Variants in DPEP1 observed in about 807,000 individuals in gnomAD.
The protein encoded by DPEP1 is beta-lactamase.
A neutral mutation model predicts 42.3 loss-of-function variants in DPEP1; 50 were observed. The ratio of observed to expected loss-of-function variants is 1.18; its 90% CI spans 0.94 to 1.50. The LOEUF is 1.50. Ranked by LOEUF, DPEP1 falls within the 40% of genes most tolerant of loss-of-function variation. The pLI, the probability that DPEP1 is intolerant of heterozygous loss-of-function variation, is 0.00. For missense variants in DPEP1, 663 were observed against 553.0 expected, an observed-to-expected ratio of 1.20 and a Z score of -1.99; for synonymous variants, 297 against 234.0, an observed-to-expected ratio of 1.27 and a Z score of -2.46.
chr16:89,621,113 G>T (rs1380159739), intron 1 of DPEP1, among the ~76,000 whole-genome samples: 1 of 152,042 alleles, frequency 6.6e-6, no homozygotes, highest in Non-Finnish European at 1.5e-5. Context: ...CTTCTGGGGT[G>T]ACTGTGTCTG....
At chr16:89,638,545 G>A (rs74033816), downstream of DPEP1, 18,533 of 1,119,024 alleles carry the variant, frequency 0.017, 309 homozygotes, top group African/African-American at 0.07. Flanking sequence ...CTTCGGTCCA[G>A]GCCAGAAGGG....
At position 89,636,385 on chromosome 16, in the gene DPEP1, C is replaced by A. The variant is rs767699020; in HGVS notation, c.359C>A (p.Thr120Asn). The change falls in exon 4 of 11, where the codon ACC becomes AAC. Residue 120 changes from threonine to asparagine, a missense_variant. Physicochemically the swap from Thr to Asn is moderately conservative, Grantham distance 65. Transcript: ENST00000690203. ...RMYPETFLYV[T>N]SSAGIRQAFR... The stretch of plus-strand genomic sequence containing the variant: ...TACCCGGAGACCTTCCTGTATGTCA[C>A]CAGCAGTGCAGGTGGGGTCCTGACC... 6.2e-7 allele frequency: 1 copy of A among 1,611,926 alleles called. No homozygotes were observed. Among genetic ancestry groups the A allele is most frequent in the Non-Finnish European group, 8.5e-7 (1 of 1,179,496 alleles).
intron 5 of DPEP1, 60 bp from the exon 6 acceptor site, chr16:89,636,806 G>C: frequency 6.2e-7 from 1 of 1,607,772 alleles, no homozygotes; most frequent in Non-Finnish European, 8.5e-7. Context: ...TCGCCTGCTG[G>C]GCTGATGGGA....
rs745422173 is a variant in DPEP1 at position 89,629,690 on chromosome 16, T to C, written c.-106-615T>C. Reference sequence around the variant, plus strand: ...CCCAGGAGCCCTCGGGCGACTTGAATGTGCTCTGCTGAGTCCTAGAGAGGC... The same window carrying C: ...CCCAGGAGCCCTCGGGCGACTTGAACGTGCTCTGCTGAGTCCTAGAGAGGC... On this transcript the variant is annotated intron_variant, in intron 1 of 10. Coordinates refer to ENST00000690203, the MANE Select transcript of DPEP1 (RefSeq NM_001389466.1). 1.7e-4 allele frequency among the ~76,000 whole-genome samples: 26 copies of C among 152,320 alleles called. 1 individual carries two copies. The highest frequency in any genetic ancestry group is 1.9e-4 in the East Asian group (1 of 5,188).
In DPEP1 at chr16:89,616,087, A is replaced by G. The variant is rs189646138; in HGVS notation, c.-107+2368A>G. Among the ~76,000 whole-genome samples the G allele has an allele frequency of 3.1e-3, 471 of 151,826 alleles. 5 individuals carry two copies. Among genetic ancestry groups the G allele is most frequent in the African/African-American group, 0.01 (433 of 41,428 alleles). On this transcript the variant is annotated intron_variant, in intron 1 of 10. Transcript: ENST00000690203. Reference sequence around the variant, plus strand: ...GACTTCATCTCAAAAAAAAAACACAAAAAGTGAATTTAAAATGCTCCCTGA... The same window carrying G: ...GACTTCATCTCAAAAAAAAAACACAGAAAGTGAATTTAAAATGCTCCCTGA...
At position 89,636,561 on chromosome 16, in the gene DPEP1, G is replaced by A. The variant is rs376415794; in HGVS notation, c.399G>A (p.Lys133=). The change falls in exon 5 of 11, where the codon AAG becomes AAA. Residue 133 remains lysine, a synonymous_variant. Transcript: ENST00000690203. The part of the protein sequence containing the change: ...AGIRQAFREG[K]VASLIGVEGG... ...TTCGGCAGGCCTTCCGGGAAGGGAA[G>A]GTGGCCAGCCTGATCGGCGTGGAGG... 1 of 1,612,436 alleles carries A rather than the reference G, an allele frequency of 6.2e-7. No homozygotes were observed. The highest frequency in any genetic ancestry group is 1.3e-5 in the African/African-American group (1 of 74,938).
intron 1 of DPEP1, among the ~76,000 whole-genome samples, chr16:89,615,758 C>A (rs1323266631): frequency 6.6e-6 from 1 of 152,206 alleles, no homozygotes; most frequent in African/African-American, 2.4e-5. Flanking sequence ...CACCAGAGGG[C>A]AGGAGCTGCA....
chr16:89,620,801 G>A lies in DPEP1; in HGVS notation c.-107+7082G>A, dbSNP rs75834421. Reference sequence around the variant, plus strand: ...GGTGAGTCTCGGGGAGCGGGGAGCCGGGAGCCAGGGGTTGTGGTTTTGGGG... The same window carrying A: ...GGTGAGTCTCGGGGAGCGGGGAGCCAGGAGCCAGGGGTTGTGGTTTTGGGG... On this transcript the variant is annotated intron_variant, in intron 1 of 10. Transcript: ENST00000690203. 3.0e-3 allele frequency: 457 copies of A among 152,406 alleles called. 1 individual carries two copies. Among genetic ancestry groups the A allele is most frequent in the African/African-American group, 0.011 (438 of 41,512 alleles). The allele number at this position is 152,406 out of a possible 1,614,324, so 9.4% of individuals were successfully genotyped here. A position where few individuals can be genotyped will look rare whatever the true frequency, so the allele number is the denominator to read the frequency against.
chr16:89,637,907 C>A lies in DPEP1; in HGVS notation c.1001C>A (p.Thr334Lys). The A allele has an allele frequency of 6.2e-7, 1 of 1,612,196 alleles. No individual in the cohort carries two copies. Among genetic ancestry groups the A allele is most frequent in the Non-Finnish European group, 8.5e-7 (1 of 1,179,668 alleles). ...GCTGAGCTGCTCAGGAGGAACTGGA[C>A]GGAGGCGGAGGTCAAGGGCGCACTG... is the stretch of plus-strand genomic sequence containing the variant. ...LIAELLRRNW[T>K]EAEVKGALAD... Residue 334 changes from threonine (T) to lysine (K), a missense_variant, in exon 10 of 11, where the codon ACG becomes AAG. By Grantham distance (78) the Thr-to-Lys change is moderately conservative. Transcript: ENST00000690203.
intron 1 of DPEP1, among the ~76,000 whole-genome samples, chr16:89,621,712 G>A (rs764711470): frequency 6.6e-6 from 1 of 152,226 alleles, no homozygotes; most frequent in African/African-American, 2.4e-5. Flanking sequence ...CGGCTCACCT[G>A]TGCATGCACG....
At chr16:89,630,275 C>A in intron 1 of DPEP1, 30 bp from the exon 2 acceptor site, 1 of 613,256 alleles carries the variant, frequency 1.6e-6, no homozygotes. Flanking sequence ...TCATCACTTC[C>A]ACCCACACCT....
chr16:89,639,477 C>A, downstream of DPEP1, among the ~76,000 whole-genome samples: 1 of 117,886 alleles, frequency 8.5e-6, no homozygotes, highest in East Asian at 2.6e-4. Context: ...CACGCACACC[C>A]CTGCACATTC....
intron 1 of DPEP1, among the ~76,000 whole-genome samples, chr16:89,627,651 CTTT>C (rs1175287086): frequency 3.9e-3 from 206 of 52,860 alleles, no homozygotes; most frequent in Non-Finnish European, 5.1e-3. Context: ...GATATTTCTT[CTTT>C]TTTTTTTTTT....
At chr16:89,637,438 C>T in intron 7 of DPEP1, 30 bp from the exon 8 acceptor site, 3 of 1,612,810 alleles carry the variant, frequency 1.9e-6, no homozygotes, top group Non-Finnish European at 1.7e-6. Flanking sequence ...TCCCAGCTCT[C>T]AGCTTCACCC....
At position 89,638,348 on chromosome 16, in the gene DPEP1, C is replaced by G; in HGVS notation, c.*126C>G. 1 of 1,427,434 alleles carries G rather than the reference C, an allele frequency of 7.0e-7. No homozygotes were observed. Among genetic ancestry groups the G allele is most frequent in the South Asian group, 1.5e-5 (1 of 65,122 alleles). The allele number at this position is 1,427,434 out of a possible 1,614,324, so 88.4% of individuals were successfully genotyped here. A position where few individuals can be genotyped will look rare whatever the true frequency, so the allele number is the denominator to read the frequency against. ...GGACCAGCATCTCCTGAGAGGACGCCTGGGCTTACCTGGGGGGCAGGATGC... is the reference window on the plus strand; with the variant it reads ...GGACCAGCATCTCCTGAGAGGACGCGTGGGCTTACCTGGGGGGCAGGATGC... On this transcript the variant is annotated 3_prime_UTR_variant, in exon 11 of 11. Coordinates refer to ENST00000690203, the MANE Select transcript of DPEP1 (RefSeq NM_001389466.1).
At chr16:89,637,084 C>T (rs2059690909) in intron 6 of DPEP1, 120 bp from the exon 7 acceptor site, 5 of 1,525,792 alleles carry the variant, frequency 3.3e-6, no homozygotes, top group South Asian at 1.3e-5. Flanking sequence ...GGGTGCTGAG[C>T]CCTGAGTGGC....
At chr16:89,624,770 G>C (rs2059487738) in intron 1 of DPEP1, among the ~76,000 whole-genome samples, 1 of 152,104 alleles carries the variant, frequency 6.6e-6, no homozygotes, top group Non-Finnish European at 1.5e-5. Context: ...CCCGGCCTCA[G>C]GTGATACACC....
chr16:89,637,229 TG>T lies in DPEP1; in HGVS notation c.622del (p.Val208SerfsTer13). 1 of 1,612,668 alleles carries T rather than the reference TG, an allele frequency of 6.2e-7. No homozygotes were observed. Among genetic ancestry groups the T allele is most frequent in the East Asian group, 2.2e-5 (1 of 44,864 alleles). On this transcript the variant is annotated frameshift_variant, in exon 7 of 11. Coordinates refer to ENST00000690203, the MANE Select transcript of DPEP1 (RefSeq NM_001389466.1). LOFTEE classifies it high-confidence loss of function. The part of the protein sequence containing the change: ...GQRVVKELNR[L>X]GVLIDLAHVS... The stretch of plus-strand genomic sequence containing the variant: ...CGTGTGGTGAAGGAGCTGAACCGTC[TG>T]GGGGTCCTCATCGACTTGGCTCACG...
At chr16:89,616,785 A>T (rs2059382473) in intron 1 of DPEP1, 1 of 276,138 alleles carries the variant, frequency 3.6e-6, no homozygotes, top group Non-Finnish European at 7.1e-6. Context: ...GGAAGCAGGC[A>T]GGAAGTGGGC....
Sources: gnomAD v4.1 joint callset for allele counts (sites outside exome capture counted in the v4.1 genomes callset) on GRCh38, gnomAD v4.1.1 for gene constraint, MANE v1.5 for transcripts, NCBI Gene and HGNC (gene_info 2026-07-23, HGNC 2026-07-21) for gene names.